Variants in CUBN observed in about 807,000 individuals in gnomAD.
CUBN encodes the protein cubilin, also known as 460 kDa receptor.
A neutral mutation model predicts 405.3 loss-of-function variants in CUBN; 282 were observed. The observed-to-expected ratio is 0.70, with a 90% confidence interval of 0.63 to 0.77. The LOEUF is 0.77. Among genes scored for constraint, CUBN ranks in the 30% least tolerant of loss-of-function variants. The pLI, the probability that CUBN is intolerant of heterozygous loss-of-function variation, is 0.00. For synonymous variants in CUBN, 1,684 were observed against 1,617.0 expected (o/e 1.04, Z -0.99); for missense variants, 4,514 against 4,475.2 (o/e 1.01, Z -0.25).
chr10:17,087,498 C>T (rs1369747883), intron 15 of CUBN, among the ~76,000 whole-genome samples: 7 of 16,920 alleles, frequency 4.1e-4, no homozygotes, highest in Non-Finnish European at 1.1e-3. Flanking sequence ...TTTTTTTAGA[C>T]AGAGCCTCAC....
At position 17,041,237 on chromosome 10, in the gene CUBN, CTG is replaced by C; in HGVS notation, c.3830-19_3830-18del. 6.2e-7 allele frequency: 1 copy of C among 1,603,858 alleles called. No homozygotes were observed. On this transcript the variant is annotated intron_variant, in intron 26 of 66. Transcript: ENST00000377833. ...TCTCACATGCTGGAAAAAGAAATGA[CTG>C]TTAAGAACCACTATTATATACTTCA... is the stretch of plus-strand genomic sequence containing the variant.
Position 17,092,540 on chromosome 10 carries a change from G to A in CUBN, c.1766-4195C>T, listed in dbSNP as rs181607592. ...TGATAAAACAGGATGCAGTAGAGAA[G>A]GCAGTCAAACACCACCAAAACCAAG... On this transcript the variant is annotated intron_variant, in intron 14 of 66. Coordinates refer to ENST00000377833, the MANE Select transcript of CUBN (RefSeq NM_001081.4). Among the ~76,000 whole-genome samples, 649 of 152,240 alleles carry A rather than the reference G, an allele frequency of 4.3e-3. 3 individuals carry two copies. The highest frequency in any genetic ancestry group is 0.014 in the African/African-American group (602 of 41,540).
chr10:17,042,313 C>T (rs929995016), intron 26 of CUBN, among the ~76,000 whole-genome samples: 3 of 152,146 alleles, frequency 2.0e-5, no homozygotes, highest in African/African-American at 7.2e-5. Flanking sequence ...ATAGGCATCA[C>T]GTGCCTCGAT....
At chr10:17,034,771 G>C (rs987102217) in intron 27 of CUBN, among the ~76,000 whole-genome samples, 15 of 152,180 alleles carry the variant, frequency 9.9e-5, no homozygotes, top group African/African-American at 2.7e-4. Context: ...TACCAAAAGA[G>C]ATCTACAGGA....
intron 45 of CUBN, among the ~76,000 whole-genome samples, chr10:16,916,707 T>C (rs896340546): frequency 1.3e-5 from 2 of 152,192 alleles, no homozygotes; most frequent in African/African-American, 4.8e-5. Context: ...TACCAAATTA[T>C]GTGCTATTGT....
intron 27 of CUBN, among the ~76,000 whole-genome samples, chr10:17,025,137 A>G (rs976655974): frequency 1.3e-5 from 2 of 152,194 alleles, no homozygotes; most frequent in African/African-American, 4.8e-5. Flanking sequence ...GAAATAATTC[A>G]TCTGCTGTGA....
At chr10:17,068,556 T>G in intron 20 of CUBN, 49 bp downstream of exon 20, 1 of 1,456,188 alleles carries the variant, frequency 6.9e-7, no homozygotes, top group Non-Finnish European at 9.6e-7. Flanking sequence ...ATTCACTTAT[T>G]CTGATACAAG....
chr10:16,933,573 C>T (rs1228329281), intron 39 of CUBN, among the ~76,000 whole-genome samples: 4 of 152,152 alleles, frequency 2.6e-5, no homozygotes, highest in Non-Finnish European at 5.9e-5. Flanking sequence ...AATAAAGACA[C>T]GTAGAGGATC....
At chr10:16,951,219 C>T (rs763102034) in intron 33 of CUBN, among the ~76,000 whole-genome samples, 6 of 152,184 alleles carry the variant, frequency 3.9e-5, no homozygotes, top group Non-Finnish European at 7.3e-5. Flanking sequence ...TTCTGGCTGG[C>T]TGGCAACTTT....
intron 48 of CUBN, among the ~76,000 whole-genome samples, chr10:16,909,148 G>A (rs933058329): frequency 1.3e-5 from 2 of 151,508 alleles, no homozygotes; most frequent in Non-Finnish European, 2.9e-5. Flanking sequence ...GCCTCCCAAA[G>A]TGCTGGGATT....
At chr10:16,974,773 C>T (rs1298448311) in intron 31 of CUBN, among the ~76,000 whole-genome samples, 1 of 152,064 alleles carries the variant, frequency 6.6e-6, no homozygotes, top group Non-Finnish European at 1.5e-5. Context: ...ACTAGCGCCC[C>T]CTCCCTCTTC....
chr10:16,963,872 A>G (rs1843312921), intron 31 of CUBN, among the ~76,000 whole-genome samples: 1 of 152,236 alleles, frequency 6.6e-6, no homozygotes, highest in Admixed American at 6.5e-5. Flanking sequence ...CATAGTGTGT[A>G]TGGATATATG....
chr10:16,967,974 GGA>G (rs1396239239), intron 31 of CUBN, among the ~76,000 whole-genome samples: 1 of 130,950 alleles, frequency 7.6e-6, no homozygotes. Flanking sequence ...AGAAAGACAG[GGA>G]GAGAGAGAGA....
intron 40 of CUBN, among the ~76,000 whole-genome samples, chr10:16,930,685 C>G (rs1488311640): frequency 8.5e-5 from 13 of 152,104 alleles, no homozygotes; most frequent in Non-Finnish European, 1.5e-5. Flanking sequence ...CATTTTGAAC[C>G]ATGGCAACTC....
At chr10:16,840,759 T>A (rs902243952) in intron 61 of CUBN, 126 bp downstream of exon 61, 12 of 910,588 alleles carry the variant, frequency 1.3e-5, no homozygotes, top group Middle Eastern at 3.2e-4. Flanking sequence ...ACATTGAGTT[T>A]AGATAGTAAT....
At chr10:17,014,023 C>G (rs926135531) in intron 28 of CUBN, among the ~76,000 whole-genome samples, 2 of 152,198 alleles carry the variant, frequency 1.3e-5, no homozygotes, top group African/African-American at 2.4e-5. Flanking sequence ...ATGTACGTAT[C>G]TGAAGCACTG....
At chr10:17,009,691 T>C (rs978031172) in intron 28 of CUBN, among the ~76,000 whole-genome samples, 1 of 152,164 alleles carries the variant, frequency 6.6e-6, no homozygotes, top group African/African-American at 2.4e-5. Flanking sequence ...ACCAACTGAA[T>C]CCTGTCTCTG....
At chr10:16,845,691 C>A (rs1839488130) in intron 60 of CUBN, among the ~76,000 whole-genome samples, 1 of 152,204 alleles carries the variant, frequency 6.6e-6, no homozygotes, top group Non-Finnish European at 1.5e-5. Flanking sequence ...TAACACTGAA[C>A]TGAATGAAAG....
At chr10:16,828,476 C>T (rs1838862038) in intron 66 of CUBN, among the ~76,000 whole-genome samples, 3 of 152,130 alleles carry the variant, frequency 2.0e-5, no homozygotes, top group Admixed American at 2.0e-4. Context: ...CCAACACTTT[C>T]GGAGGCCCAA....
Sources: gnomAD v4.1 joint callset for allele counts (sites outside exome capture counted in the v4.1 genomes callset) on GRCh38, gnomAD v4.1.1 for gene constraint, MANE v1.5 for transcripts, NCBI Gene and HGNC (gene_info 2026-07-23, HGNC 2026-07-21) for gene names.